The following ADCY9 variants were observed in gnomAD, a reference collection of about 807,000 sequenced individuals.
ADCY9 encodes the protein adenylate cyclase 9, also known as adenylate cyclase type 9.
Under a neutral mutation model 101.5 loss-of-function variants are expected in ADCY9, and 50 were observed. The observed-to-expected ratio is 0.49, with a 90% CI of 0.39 to 0.62. The LOEUF is 0.62. Ranked by LOEUF, ADCY9 falls within the 20% of genes least tolerant of loss-of-function variation. ADCY9 has a pLI of 0.00. For synonymous variants in ADCY9, 905 were observed against 769.3 expected (o/e 1.18, Z -2.92); for missense variants, 1,662 against 1,800.4 (o/e 0.92, Z 1.39).
intron 2 of ADCY9, among the ~76,000 whole-genome samples, chr16:4,062,626 G>A (rs1409376706): frequency 6.6e-6 from 1 of 152,110 alleles, no homozygotes; most frequent in African/African-American, 2.4e-5. Context: ...GTTATAGTGA[G>A]CTATGATTGT....
At chr16:4,018,024 G>A (rs1255745287) in intron 2 of ADCY9, among the ~76,000 whole-genome samples, 2 of 152,132 alleles carry the variant, frequency 1.3e-5, no homozygotes, top group Non-Finnish European at 2.9e-5. Flanking sequence ...GAACACAGAT[G>A]GGCCTTTTCA....
Position 4,098,899 on chromosome 16 carries a change from A to ATT in ADCY9, c.1693+14849_1693+14850dup, listed in dbSNP as rs57718798. On this transcript the variant is annotated intron_variant, in intron 2 of 10. Coordinates refer to ENST00000294016, the MANE Select transcript of ADCY9 (RefSeq NM_001116.4). ...CAGGTCATCTACATTTTGGTTTGGG[A>ATT]TTTTTTTTTATTGTTTTGGTTTTGT... is the stretch of plus-strand genomic sequence containing the variant. Among the ~76,000 whole-genome samples the ATT allele has an allele frequency of 1.3e-3, 195 of 150,818 alleles. 3 individuals carry two copies. Among genetic ancestry groups the ATT allele is most frequent in the Admixed American group, 9.0e-3 (136 of 15,116 alleles).
intron 7 of ADCY9, chr16:3,982,276 C>T (rs1040605431): frequency 2.0e-5 from 3 of 152,544 alleles, no homozygotes; most frequent in African/African-American, 7.2e-5. Context: ...GCGCCTCACG[C>T]CAGACTCAAA....
intron 2 of ADCY9, among the ~76,000 whole-genome samples, chr16:4,059,574 C>G (rs2056761890): frequency 6.6e-6 from 1 of 152,028 alleles, no homozygotes; most frequent in African/African-American, 2.4e-5. Flanking sequence ...CAACCAAAGA[C>G]ATACAAAAAA....
intron 2 of ADCY9, among the ~76,000 whole-genome samples, chr16:4,100,277 G>A (rs1014776337): frequency 6.6e-6 from 1 of 152,110 alleles, no homozygotes; most frequent in Non-Finnish European, 1.5e-5. Flanking sequence ...ATGCAGAACT[G>A]TGCCAATTAA....
At chr16:4,101,828 G>A (rs897813832) in intron 2 of ADCY9, among the ~76,000 whole-genome samples, 1 of 152,094 alleles carries the variant, frequency 6.6e-6, no homozygotes, top group Non-Finnish European at 1.5e-5. Context: ...CTCAACCATC[G>A]AGGGGCCCAT....
chr16:3,977,502 G>A lies in ADCY9; in HGVS notation c.2808C>T (p.Tyr936=), dbSNP rs765593436. The A allele has an allele frequency of 1.9e-5, 30 of 1,573,044 alleles. No individual in the cohort carries two copies. In the Admixed American group the frequency reaches 3.6e-4, roughly 19 times the overall value. ...VVGAGPLLLL[Y]VSLCPDSSVL... ...CGTACCTGTCTGGGCACAGGGAGAC[G>A]TAGAGCAGGAGCAGCGGCCCGGCCC... The change falls in exon 9 of 11, where the codon TAC becomes TAT. Residue 936 remains tyrosine (Y), a synonymous_variant. Transcript: ENST00000294016.
At chr16:4,001,008 C>CATAT (rs574175248) in intron 3 of ADCY9, among the ~76,000 whole-genome samples, 3 of 135,732 alleles carry the variant, frequency 2.2e-5, no homozygotes, top group African/African-American at 7.6e-5. Context: ...CACACACACA[C>CATAT]ATATATAATT....
chr16:3,985,856 T>A (rs2056187977), intron 6 of ADCY9, among the ~76,000 whole-genome samples: 1 of 152,128 alleles, frequency 6.6e-6, no homozygotes, highest in Non-Finnish European at 1.5e-5. Flanking sequence ...CCCCTGGCCC[T>A]GATGCCAGAG....
At chr16:3,987,190 C>T (rs1016609165) in intron 6 of ADCY9, among the ~76,000 whole-genome samples, 30 of 152,216 alleles carry the variant, frequency 2.0e-4, no homozygotes, top group Non-Finnish European at 3.1e-4. Context: ...CTTGGTGCCT[C>T]GCCGTGTGCT....
intron 10 of ADCY9, among the ~76,000 whole-genome samples, chr16:3,971,946 G>A (rs2056055658): frequency 1.3e-5 from 2 of 152,222 alleles, no homozygotes; most frequent in African/African-American, 4.8e-5. Context: ...AGGCAGAGGA[G>A]GGACAGCAGC....
At chr16:4,045,395 G>A (rs975511810) in intron 2 of ADCY9, among the ~76,000 whole-genome samples, 1 of 151,824 alleles carries the variant, frequency 6.6e-6, no homozygotes, top group Non-Finnish European at 1.5e-5. Context: ...AGGAGTTCGC[G>A]ACCAGCCTGA....
chr16:4,057,035 A>ACCCCCCC (rs1326474279), intron 2 of ADCY9, among the ~76,000 whole-genome samples: 1 of 78,950 alleles, frequency 1.3e-5, no homozygotes, highest in Non-Finnish European at 2.4e-5. Context: ...TACTGATGAA[A>ACCCCCCC]CCGCCCCCCC....
At chr16:4,100,209 G>T (rs920953524) in intron 2 of ADCY9, among the ~76,000 whole-genome samples, 3 of 151,972 alleles carry the variant, frequency 2.0e-5, no homozygotes, top group Admixed American at 6.6e-5. Flanking sequence ...TTTAAGATGC[G>T]CCTTGTTTCT....
chr16:3,955,423 G>A (rs971860903), intron 5 of ADCY9, among the ~76,000 whole-genome samples: 2 of 152,096 alleles, frequency 1.3e-5, no homozygotes, highest in Non-Finnish European at 1.5e-5. Context: ...TTAATGTCCT[G>A]AAAGTTCACA....
In ADCY9 at chr16:4,097,553, A is replaced by ATTTTTTTTT. The variant is rs35732229; in HGVS notation, c.1693+16188_1693+16196dup. On this transcript the variant is annotated intron_variant, in intron 2 of 10. Transcript: ENST00000294016. ...CATATATATATATATATATATATAT[A>ATTTTTTTTT]TTTTTTTTTTTTTTTTTTAAGACAG... is the stretch of plus-strand genomic sequence containing the variant. 9.2e-4 allele frequency among the ~76,000 whole-genome samples: 49 copies of ATTTTTTTTT among 53,396 alleles called. 1 individual carries two copies. The highest frequency in any genetic ancestry group is 2.3e-3 in the African/African-American group (27 of 11,588). 35.0% of individuals were successfully genotyped at this position (53,396 alleles called of 152,430 possible). A position where few individuals can be genotyped will look rare whatever the true frequency, so the allele number is the denominator to read the frequency against.
intron 2 of ADCY9, among the ~76,000 whole-genome samples, chr16:4,106,853 T>C (rs1364417348): frequency 2.6e-5 from 4 of 152,144 alleles, no homozygotes; most frequent in African/African-American, 9.7e-5. Flanking sequence ...ATAATTACTA[T>C]CTCACCAAGC....
chr16:4,054,951 G>A (rs574110058), intron 2 of ADCY9, among the ~76,000 whole-genome samples: 228 of 152,206 alleles, frequency 1.5e-3, no homozygotes, highest in African/African-American at 4.6e-3. Flanking sequence ...GGGTTTTTGC[G>A]GGTTTTACAT....
In ADCY9 at chr16:3,963,597, A is replaced by G. The variant is rs893173785; in HGVS notation, c.*2178T>C. ...TTTCCCGGGGTGAGGAATCACAAAC[A>G]CCTTTGTGGTTGGGGAAGGAAATGG... On this transcript the variant is annotated 3_prime_UTR_variant, in exon 11 of 11. Coordinates refer to ENST00000294016, the MANE Select transcript of ADCY9 (RefSeq NM_001116.4). 2.8e-6 allele frequency: 1 copy of G among 361,972 alleles called. No individual in the cohort carries two copies. Among genetic ancestry groups the G allele is most frequent in the Non-Finnish European group, 4.9e-6 (1 of 203,090 alleles). 22.4% of individuals were successfully genotyped at this position (361,972 alleles called of 1,614,324 possible). A position where few individuals can be genotyped will look rare whatever the true frequency, so the allele number is the denominator to read the frequency against.
Sources: gnomAD v4.1 joint callset for allele counts (sites outside exome capture counted in the v4.1 genomes callset) on GRCh38, gnomAD v4.1.1 for gene constraint, MANE v1.5 for transcripts, NCBI Gene and HGNC (gene_info 2026-07-23, HGNC 2026-07-21) for gene names.